Variants in SPTB observed in about 807,000 individuals in gnomAD.
SPTB encodes spectrin beta, erythrocytic, also known as spectrin beta chain, erythrocytic.
In SPTB, 45 loss-of-function variants were observed where a neutral mutation model predicts 256.2. That is an observed-to-expected ratio of 0.18 (90% CI 0.14 to 0.23). The LOEUF is 0.23. SPTB is among the 10% of genes least tolerant of loss of function. The probability of loss-of-function intolerance (pLI) is 1.00; values close to 1 mark genes in which losing one functional copy is unlikely to be tolerated. For missense variants in SPTB, 2,715 were observed against 3,040.4 expected (o/e 0.89, Z 2.52); for synonymous variants, 1,231 against 1,243.1 (o/e 0.99, Z 0.21).
chr14:64,771,275 G>C, intron 26 of SPTB, 146 bp from the exon 27 acceptor site: 1 of 1,271,610 alleles, frequency 7.9e-7, no homozygotes. Context: ...CACCCAGTGG[G>C]TGCTGTAGGA....
At position 64,793,219 on chromosome 14, in the gene SPTB, T is replaced by A. The variant is rs771843664; in HGVS notation, c.2444A>T (p.Asp815Val). ...QAQGFPEEFR[D>V]SPDVTHRLQA... Reference sequence around the variant, plus strand: ...CAGCCGATGGGTCACATCTGGGGAATCCCGAAACTCTTCGGGGAATCCCTG... The same window carrying A: ...CAGCCGATGGGTCACATCTGGGGAAACCCGAAACTCTTCGGGGAATCCCTG... The change falls in exon 14 of 36, where the codon GAT (aspartate) becomes GTT (valine). Residue 815 changes from aspartate to valine, a missense_variant. Physicochemically the swap from Asp to Val is radical, Grantham distance 152. This residue lies in a region of SPTB where 2,239 missense variants were observed against 2,384.4 expected (regional missense o/e 0.94). Transcript: ENST00000644917. This position sits in a 1 kb window ranked among gnomAD's most constrained non-coding sequence, Gnocchi z 7.0. 1 of 1,611,572 alleles carries A rather than the reference T, an allele frequency of 6.2e-7. No homozygotes were observed. The highest frequency in any genetic ancestry group is 1.1e-5 in the South Asian group (1 of 91,084).
chr14:64,794,627 A>C lies in SPTB; in HGVS notation c.1645-10T>G. On this transcript the variant is annotated splice_polypyrimidine_tract_variant and intron_variant, in intron 12 of 35. Coordinates refer to ENST00000644917, the MANE Select transcript of SPTB (RefSeq NM_001355436.2). ...CAGACAAGAGGTGAGCCTGGCAAAGAGAACAGCAGAAAGGAAATGAGGAGA... is the reference window on the plus strand; with the variant it reads ...CAGACAAGAGGTGAGCCTGGCAAAGCGAACAGCAGAAAGGAAATGAGGAGA... 6.2e-7 allele frequency: 1 copy of C among 1,614,194 alleles called. No individual in the cohort carries two copies. The highest frequency in any genetic ancestry group is 1.1e-5 in the South Asian group (1 of 91,080).
Position 64,823,257 on chromosome 14 carries a change from G to A in SPTB, c.-51-112C>T, listed in dbSNP as rs754255230. The A allele has an allele frequency of 6.1e-6, 5 of 822,452 alleles. 1 individual carries two copies. In the East Asian group the frequency reaches 1.1e-4, roughly 18 times the overall value. The allele number at this position is 822,452 out of a possible 1,614,324, so 50.9% of individuals were successfully genotyped here. ...GAGTAGATCCTGACAGAAGCAGAAC[G>A]CCATGTCATCTGCCTGGGCGTGCTT... is the stretch of plus-strand genomic sequence containing the variant. On this transcript the variant is annotated intron_variant, in intron 1 of 35. Transcript: ENST00000644917. This position sits in a 1 kb window ranked among gnomAD's most constrained non-coding sequence, Gnocchi z 6.5.
chr14:64,821,953 T>C (rs1458234530), intron 2 of SPTB, among the ~76,000 whole-genome samples: 1 of 151,336 alleles, frequency 6.6e-6, no homozygotes, highest in Non-Finnish European at 1.5e-5. Flanking sequence ...AGGGAGGGAG[T>C]GGGGAAGAGG....
intron 26 of SPTB, 56 bp from the exon 27 acceptor site, chr14:64,771,185 G>T: frequency 1.2e-6 from 2 of 1,607,402 alleles, no homozygotes; most frequent in Non-Finnish European, 1.7e-6. Context: ...TAGGTGCTGT[G>T]GGCCTAGGAC....
chr14:64,812,352 A>G (rs2083105612), intron 2 of SPTB, among the ~76,000 whole-genome samples: 1 of 152,192 alleles, frequency 6.6e-6, no homozygotes, highest in African/African-American at 2.4e-5. Flanking sequence ...GGCCAAAATC[A>G]TAAGCATCTT....
chr14:64,761,015 T>G (rs2082086265), intron 32 of SPTB, among the ~76,000 whole-genome samples: 1 of 152,196 alleles, frequency 6.6e-6, no homozygotes, highest in African/African-American at 2.4e-5. Flanking sequence ...ACATGGCTGA[T>G]TGACAGAGGC....
At chr14:64,835,497 C>T (rs190276351) in intron 1 of SPTB, among the ~76,000 whole-genome samples, 2 of 152,290 alleles carry the variant, frequency 1.3e-5, no homozygotes, top group East Asian at 1.9e-4. Context: ...CTGCCCACCT[C>T]GGCCTCCCAA....
chr14:64,807,052 G>A lies in SPTB; in HGVS notation c.149-1962C>T, dbSNP rs74482406. The stretch of plus-strand genomic sequence containing the variant: ...AGGGAGTTTGATGCCATACTGGACG[G>A]AAAGCAATTGCACTTATTTTGGGGC... On this transcript the variant is annotated intron_variant, in intron 2 of 35. Coordinates refer to ENST00000644917, the MANE Select transcript of SPTB (RefSeq NM_001355436.2). The surrounding 1 kb of genome is among the most constrained non-coding windows in gnomAD (Gnocchi z 4.7). Among the ~76,000 whole-genome samples the A allele has an allele frequency of 1.4e-3, 215 of 152,316 alleles. 2 individuals carry two copies. In the East Asian group the frequency reaches 0.017, roughly 12 times the overall value.
In SPTB at chr14:64,823,855, AC is replaced by A. The variant is rs1158466459; in HGVS notation, c.-51-711del. The stretch of plus-strand genomic sequence containing the variant: ...GTTGAATTCCAGGACAGACTGAGCA[AC>A]CCAAAGGAGCCTGCTGTCCCATCAA... On this transcript the variant is annotated intron_variant, in intron 1 of 35. Coordinates refer to ENST00000644917, the MANE Select transcript of SPTB (RefSeq NM_001355436.2). The surrounding 1 kb of genome is among the most constrained non-coding windows in gnomAD (Gnocchi z 6.5). Among the ~76,000 whole-genome samples the A allele has an allele frequency of 6.6e-6, 1 of 152,152 alleles. No homozygotes were observed. The highest frequency in any genetic ancestry group is 1.5e-5 in the Non-Finnish European group (1 of 68,022).
Position 64,793,088 on chromosome 14 carries a change from C to T in SPTB, c.2575G>A (p.Ala859Thr), listed in dbSNP as rs942424375. ...DLYTVFGETD[A>T]CELWMGEKEK... ...TTCTCTCCCATCCACAGCTCACAGG[C>T]GTCTGTCTCCCCGAACACCGTGTAC... Residue 859 changes from alanine (A) to threonine (T), a missense_variant, in exon 14 of 36, where the codon GCC (alanine) becomes ACC (threonine). Ala to Thr is a moderately conservative substitution (Grantham distance 58). Around this residue, in one of 4 missense-constraint regions of SPTB, gnomAD observed 2,239 missense variants for 2,384.4 expected, o/e 0.94. Coordinates refer to ENST00000644917, the MANE Select transcript of SPTB (RefSeq NM_001355436.2). This position sits in a 1 kb window ranked among gnomAD's most constrained non-coding sequence, Gnocchi z 7.0. The T allele has an allele frequency of 4.3e-6, 7 of 1,614,018 alleles. No homozygotes were observed. The highest frequency in any genetic ancestry group is 1.3e-5 in the African/African-American group (1 of 74,944).
In SPTB at chr14:64,772,495, G is replaced by A. The variant is rs561914646; in HGVS notation, c.5553+85C>T. On this transcript the variant is annotated intron_variant, in intron 26 of 35. Transcript: ENST00000644917. The surrounding 1 kb of genome is among the most constrained non-coding windows in gnomAD (Gnocchi z 5.4). ...AAACCTCCTGGCACTTATCCTAGAGGTTTTCCTGCTGACAGCCAGGTGGGG... is the reference window on the plus strand; with the variant it reads ...AAACCTCCTGGCACTTATCCTAGAGATTTTCCTGCTGACAGCCAGGTGGGG... 2.6e-5 allele frequency: 41 copies of A among 1,559,854 alleles called. No individual in the cohort carries two copies. The East Asian group carries it at 8.8e-4, about 33-fold the overall frequency.
chr14:64,773,924 G>A (rs1446904359), intron 24 of SPTB, among the ~76,000 whole-genome samples: 1 of 152,200 alleles, frequency 6.6e-6, no homozygotes, highest in Middle Eastern at 3.2e-3. Flanking sequence ...TGGGGGCAGT[G>A]TGTGGTCTGT....
At chr14:64,798,174 A>G (rs992338659) in intron 9 of SPTB, among the ~76,000 whole-genome samples, 13 of 152,240 alleles carry the variant, frequency 8.5e-5, no homozygotes, top group Non-Finnish European at 2.9e-5. Flanking sequence ...GTACGGATCA[A>G]TACAAAAAAA....
chr14:64,779,813 T>C lies in SPTB; in HGVS notation c.4385A>G (p.Asp1462Gly), dbSNP rs757639847. 4.3e-6 allele frequency: 7 copies of C among 1,613,986 alleles called. No individual in the cohort carries two copies. The Admixed American group carries it at 1.0e-4, about 23-fold the overall frequency. Residue 1462 changes from aspartate (D) to glycine (G), a missense_variant, in exon 21 of 36, where the codon GAC (aspartate) becomes GGC (glycine). By Grantham distance (94) the Asp-to-Gly change is moderately conservative (BLOSUM62 -1). Around this residue, in one of 4 missense-constraint regions of SPTB, gnomAD observed 2,239 missense variants for 2,384.4 expected, o/e 0.94. Coordinates refer to ENST00000644917, the MANE Select transcript of SPTB (RefSeq NM_001355436.2). The surrounding 1 kb of genome is among the most constrained non-coding windows in gnomAD (Gnocchi z 4.2). The part of the protein sequence containing the change: ...ADLSIEKRFL[D>G]LLEPLGRRKK... ...CCTCCTTCCTAGGGGTTCCAGGAGG[T>C]CCAGGAACCGCTTCTCGATGCTCAA...
chr14:64,874,681 CT>C (rs369050999), intron 1 of SPTB, among the ~76,000 whole-genome samples: 17 of 152,304 alleles, frequency 1.1e-4, no homozygotes, highest in Middle Eastern at 3.4e-3. Context: ...TAATTTATGC[CT>C]TTAAAGTATG....
chr14:64,816,347 C>T lies in SPTB; in HGVS notation c.148+6600G>A, dbSNP rs1216617442. Among the ~76,000 whole-genome samples, 2 of 152,134 alleles carry T rather than the reference C, an allele frequency of 1.3e-5. No individual in the cohort carries two copies. Among genetic ancestry groups the T allele is most frequent in the Non-Finnish European group, 2.9e-5 (2 of 68,026 alleles). On this transcript the variant is annotated intron_variant, in intron 2 of 35. Transcript: ENST00000644917. The surrounding 1 kb of genome is among the most constrained non-coding windows in gnomAD (Gnocchi z 4.2). ...ATTCCCTCCTTAAACTCCACAGCCA[C>T]CCCTTTTGAGTTTTTCTCTGCTTCC...
In SPTB at chr14:64,800,753, T is replaced by C. The variant is rs557672424; in HGVS notation, c.876+3A>G. On this transcript the variant is annotated splice_donor_region_variant and intron_variant, in intron 8 of 35. Coordinates refer to ENST00000644917, the MANE Select transcript of SPTB (RefSeq NM_001355436.2). ...GACACTTTGGTTCCAAAACAGCTTG[T>C]ACCTTGCCGACACGCTTGCCCTCCA... 5.0e-6 allele frequency: 8 copies of C among 1,613,852 alleles called. No homozygotes were observed. In the East Asian group the frequency reaches 1.6e-4, roughly 31 times the overall value.
At chr14:64,821,228 T>G (rs2083281381) in intron 2 of SPTB, among the ~76,000 whole-genome samples, 1 of 152,184 alleles carries the variant, frequency 6.6e-6, no homozygotes, top group Non-Finnish European at 1.5e-5. Flanking sequence ...CTAATTCCAC[T>G]CATGCTAATT....
Sources: gnomAD v4.1 joint callset for allele counts (sites outside exome capture counted in the v4.1 genomes callset) on GRCh38, gnomAD v4.1.1 for gene constraint, gnomAD v4.1.1 regional missense constraint, Gnocchi (gnomAD v3.1) non-coding constraint, MANE v1.5 for transcripts, NCBI Gene and HGNC (gene_info 2026-07-23, HGNC 2026-07-21) for gene names.